DMXL1: variants seen among roughly 807,000 people sequenced by gnomAD.
The protein encoded by DMXL1 is dmX-like protein 1.
Under a neutral mutation model 319.2 loss-of-function variants are expected in DMXL1, and 99 were observed. The ratio of observed to expected loss-of-function variants is 0.31; its 90% confidence interval spans 0.26 to 0.37. The LOEUF (loss-of-function observed/expected upper bound fraction) is 0.37, where lower values mean the gene tolerates loss of function less well. DMXL1 is among the 10% of genes least tolerant of loss of function. DMXL1 has a pLI of 1.00. For missense variants in DMXL1, 3,745 were observed against 3,595.6 expected (o/e 1.04, Z -1.06); for synonymous variants, 1,385 against 1,235.2 (o/e 1.12, Z -2.54).
At chr5:119,190,307 C>T (rs1408460136) in intron 29 of DMXL1, among the ~76,000 whole-genome samples, 1 of 152,148 alleles carries the variant, frequency 6.6e-6, no homozygotes, top group African/African-American at 2.4e-5. Flanking sequence ...TGTTAAGTAA[C>T]ATTATTCCCT....
In DMXL1 at chr5:119,133,517, A is replaced by G. The variant is rs776655481; in HGVS notation, c.1593A>G (p.Pro531=). The change falls in exon 12 of 44, where the codon CCA becomes CCG. Residue 531 remains proline, a synonymous_variant. Coordinates refer to ENST00000539542, the MANE Select transcript of DMXL1 (RefSeq NM_001290321.3). ...QVQVSFVSRI[P]VAFPTGDANS... is the part of the protein sequence containing the mutation. ...AGGTGTCCTTTGTTTCCAGAATTCC[A>G]GTAGCTTTCCCCACAGGTGATGCAA... is the stretch of plus-strand genomic sequence containing the variant. 6 of 1,608,644 alleles carry G rather than the reference A, an allele frequency of 3.7e-6. No homozygotes were observed. The Middle Eastern group carries it at 5.0e-4, about 133-fold the overall frequency.
intron 10 of DMXL1, chr5:119,132,562 C>T (rs1358438919): frequency 7.4e-6 from 2 of 271,106 alleles, no homozygotes; most frequent in Non-Finnish European, 1.5e-5. Flanking sequence ...CACCTGTAAT[C>T]CCAGCTACTT....
chr5:119,085,918 T>C (rs111595410), intron 1 of DMXL1, among the ~76,000 whole-genome samples: 4,980 of 152,272 alleles, frequency 0.033, 254 homozygotes, highest in African/African-American at 0.11. Context: ...TATCAAATGC[T>C]TTTCCAGGAT....
Position 119,196,451 on chromosome 5 carries a change from T to G in DMXL1, c.7538T>G (p.Leu2513Arg). The G allele has an allele frequency of 1.2e-6, 2 of 1,611,900 alleles. No individual in the cohort carries two copies. The highest frequency in any genetic ancestry group is 2.2e-5 in the South Asian group (2 of 91,018). Reference protein sequence around the residue: ...KTFYPFAGHDLAELPVSSPLC... With the variant: ...KTFYPFAGHDRAELPVSSPLC... ...TTTTATCCCTTCGCAGGTCATGATC[T>G]TGCAGGTAATAAATAGCTCAACATG... The change falls in exon 31 of 44, where the codon CTT becomes CGT. Residue 2513 changes from leucine to arginine, a missense_variant. By Grantham distance (102) the Leu-to-Arg change is moderately radical (BLOSUM62 -2). This residue lies in a region of DMXL1 where 1,382 missense variants were observed against 1,269.5 expected (regional missense o/e 1.09). Coordinates refer to ENST00000539542, the MANE Select transcript of DMXL1 (RefSeq NM_001290321.3).
Position 119,134,167 on chromosome 5 carries a change from GTTA to G in DMXL1, c.2246_2248del (p.Tyr749del). The G allele has an allele frequency of 6.2e-7, 1 of 1,612,686 alleles. No individual in the cohort carries two copies. Among genetic ancestry groups the G allele is most frequent in the Non-Finnish European group, 8.5e-7 (1 of 1,179,554 alleles). On this transcript the variant is annotated inframe_deletion, in exon 12 of 44. Transcript: ENST00000539542. ...GCATGGCTGCCCACTCTTATACCCA[GTTA>G]TTGTCTGGGTAAGTATTCTGGTTTT...
At chr5:119,166,537 A>G in intron 21 of DMXL1, 79 bp from the exon 22 acceptor site, 1 of 1,319,758 alleles carries the variant, frequency 7.6e-7, no homozygotes, top group Non-Finnish European at 1.1e-6. Flanking sequence ...ACTTAGCCAA[A>G]TCTTAACTTT....
chr5:119,117,456 G>A (rs2149899812), intron 7 of DMXL1, among the ~76,000 whole-genome samples: 1 of 152,196 alleles, frequency 6.6e-6, no homozygotes, highest in East Asian at 1.9e-4. Context: ...GAGCTATAGT[G>A]TAGCTATAGC....
intron 19 of DMXL1, among the ~76,000 whole-genome samples, chr5:119,153,579 A>T (rs962933079): frequency 1.3e-5 from 2 of 152,144 alleles, no homozygotes; most frequent in African/African-American, 4.8e-5. Context: ...CTCCCTTCTC[A>T]TCCTGTCCCC....
At chr5:119,141,597 C>A (rs1767356253) in intron 13 of DMXL1, among the ~76,000 whole-genome samples, 2 of 151,968 alleles carry the variant, frequency 1.3e-5, no homozygotes, top group African/African-American at 2.4e-5. Context: ...TCAGATAAAT[C>A]AGAGAAGACA....
intron 10 of DMXL1, among the ~76,000 whole-genome samples, chr5:119,130,056 C>T (rs990136958): frequency 1.3e-5 from 2 of 151,490 alleles, no homozygotes; most frequent in Non-Finnish European, 2.9e-5. Flanking sequence ...AGCTAGCCAT[C>T]TCTGTGACAG....
intron 34 of DMXL1, among the ~76,000 whole-genome samples, chr5:119,211,004 ATT>A (rs565846459): frequency 1.5e-3 from 180 of 118,658 alleles, no homozygotes; most frequent in African/African-American, 3.7e-3. Context: ...TTATCAAATG[ATT>A]TTTTTTTTTT....
chr5:119,218,040 G>A (rs375616255), intron 35 of DMXL1, among the ~76,000 whole-genome samples: 4 of 152,208 alleles, frequency 2.6e-5, no homozygotes, highest in South Asian at 4.1e-4. Flanking sequence ...CCCTTAGCCA[G>A]TTGTAATATC....
At chr5:119,088,965 G>C (rs1457754301) in intron 1 of DMXL1, among the ~76,000 whole-genome samples, 1 of 151,422 alleles carries the variant, frequency 6.6e-6, no homozygotes, top group South Asian at 2.1e-4. Flanking sequence ...TTTCCAGTGA[G>C]TTTTATATCT....
At chr5:119,131,122 C>A (rs1382824158) in intron 10 of DMXL1, among the ~76,000 whole-genome samples, 2 of 149,188 alleles carry the variant, frequency 1.3e-5, no homozygotes, top group African/African-American at 2.5e-5. Context: ...TGTGGCTTGC[C>A]TTTTAATACC....
chr5:119,177,303 T>G, intron 26 of DMXL1, 54 bp from the exon 27 acceptor site: 2 of 1,261,952 alleles, frequency 1.6e-6, no homozygotes, highest in Non-Finnish European at 2.1e-6. Flanking sequence ...ATCTGAAACA[T>G]GAAAATATTA....
chr5:119,130,335 T>G (rs1045450784), intron 10 of DMXL1, among the ~76,000 whole-genome samples: 9 of 140,084 alleles, frequency 6.4e-5, no homozygotes, highest in African/African-American at 2.4e-4. Context: ...GCACTTTGTG[T>G]TTTTTTTTTG....
intron 37 of DMXL1, among the ~76,000 whole-genome samples, chr5:119,223,179 C>T (rs1443834642): frequency 6.6e-6 from 1 of 151,392 alleles, no homozygotes; most frequent in Non-Finnish European, 1.5e-5. Flanking sequence ...GCCTCAGCCT[C>T]CCTAGTAGCT....
rs764709124 is a variant in DMXL1, at chr5:119,203,426, G to A, written c.7853G>A (p.Cys2618Tyr). The change falls in exon 33 of 44, where the codon TGT becomes TAT. Residue 2618 changes from cysteine to tyrosine, a missense_variant. By Grantham distance (194) the Cys-to-Tyr change is radical. Around this residue, in one of 4 missense-constraint regions of DMXL1, gnomAD observed 1,382 missense variants for 1,269.5 expected, o/e 1.09. Transcript: ENST00000539542. Reference sequence around the variant, plus strand: ...AAAAATATATTCACAAAGAAACGGTGTCTAAATGAGGTCTGTATAAGTTAA... The same window carrying A: ...AAAAATATATTCACAAAGAAACGGTATCTAAATGAGGTCTGTATAAGTTAA... ...FIKNIFTKKR[C>Y]LNESLEDNSE... The A allele has an allele frequency of 1.3e-6, 2 of 1,587,844 alleles. No individual in the cohort carries two copies. The highest frequency in any genetic ancestry group is 1.7e-6 in the Non-Finnish European group (2 of 1,163,032).
chr5:119,240,650 A>G (rs929934639), intron 42 of DMXL1, among the ~76,000 whole-genome samples, 179 bp downstream of exon 42: 5 of 152,188 alleles, frequency 3.3e-5, no homozygotes, highest in South Asian at 4.1e-4. Context: ...ACTCTTCACT[A>G]TACCTTGATG....
Sources: gnomAD v4.1 joint callset for allele counts (sites outside exome capture counted in the v4.1 genomes callset) on GRCh38, gnomAD v4.1.1 for gene constraint, gnomAD v4.1.1 regional missense constraint, MANE v1.5 for transcripts, NCBI Gene and HGNC (gene_info 2026-07-23, HGNC 2026-07-21) for gene names.